Variants in DOP1A observed in about 807,000 individuals in gnomAD.
DOP1A encodes the protein DOP1 leucine zipper like protein A, also known as protein DOP1A.
DOP1A carries 90 observed loss-of-function variants against 267.6 expected under a neutral mutation model. That is an observed-to-expected ratio of 0.34 (90% CI 0.28 to 0.40). DOP1A has a LOEUF of 0.40. Ranked by LOEUF, DOP1A falls within the 10% of genes least tolerant of loss-of-function variation. DOP1A has a pLI of 1.00. For missense variants in DOP1A, 2,437 were observed against 2,900.4 expected, an observed-to-expected ratio of 0.84 and a Z score of 3.67; for synonymous variants, 932 against 999.1, an observed-to-expected ratio of 0.93 and a Z score of 1.27.
chr6:83,089,191 G>A (rs1419425951), intron 1 of DOP1A, among the ~76,000 whole-genome samples: 3 of 152,132 alleles, frequency 2.0e-5, no homozygotes, highest in Non-Finnish European at 4.4e-5. Context: ...AAGCAAACTA[G>A]CCAAAGTATC....
intron 6 of DOP1A, among the ~76,000 whole-genome samples, chr6:83,111,546 G>T (rs1774560626): frequency 6.6e-6 from 1 of 151,694 alleles, no homozygotes; most frequent in African/African-American, 2.4e-5. Context: ...ACTTGTTATT[G>T]TCTTTTTTAT....
At chr6:83,097,677 A>G (rs7774938) in intron 3 of DOP1A, among the ~76,000 whole-genome samples, 99,119 of 151,820 alleles carry the variant, frequency 0.65, 33,832 homozygotes, top group Middle Eastern at 0.78. Flanking sequence ...TTGTGGCATC[A>G]TTGATCAACC....
At position 83,159,877 on chromosome 6, in the gene DOP1A, G is replaced by A; in HGVS notation, c.6879G>A (p.Arg2293=). Residue 2293 remains arginine, a synonymous_variant, in exon 37 of 39, where the codon CGG becomes CGA. Coordinates refer to ENST00000349129, the MANE Select transcript of DOP1A (RefSeq NM_015018.4). The part of the protein sequence containing the change: ...NGFSTSYNSQ[R]WLNLYLSACK... The stretch of plus-strand genomic sequence containing the variant: ...TCTCTACTTCATATAACAGCCAGCG[G>A]TGGTTAAACCTCTATCTCTCTGCTT... 3 of 1,614,122 alleles carry A rather than the reference G, an allele frequency of 1.9e-6. No individual in the cohort carries two copies. Among genetic ancestry groups the A allele is most frequent in the Non-Finnish European group, 2.5e-6 (3 of 1,180,022 alleles).
At chr6:83,107,313 A>T (rs1219120936) in intron 4 of DOP1A, among the ~76,000 whole-genome samples, 5 of 152,120 alleles carry the variant, frequency 3.3e-5, no homozygotes, top group African/African-American at 1.2e-4. Flanking sequence ...CCTGGGGCAC[A>T]TGGGAAAAAA....
chr6:83,082,256 C>A (rs971186373), intron 1 of DOP1A, among the ~76,000 whole-genome samples: 7 of 152,188 alleles, frequency 4.6e-5, no homozygotes, highest in African/African-American at 1.4e-4. Context: ...GATATGGAAT[C>A]AGCCTAGGGG....
intron 35 of DOP1A, 64 bp from the exon 36 acceptor site, chr6:83,158,503 A>T: frequency 8.1e-7 from 1 of 1,239,372 alleles, no homozygotes; most frequent in Non-Finnish European, 1.2e-6. Context: ...AATACAACTT[A>T]AAGATAACTT....
intron 29 of DOP1A, 119 bp from the exon 30 acceptor site, chr6:83,152,169 A>G: frequency 4.7e-6 from 4 of 846,578 alleles, no homozygotes. Context: ...TGGGAAAAAT[A>G]TATATATACA....
intron 33 of DOP1A, among the ~76,000 whole-genome samples, chr6:83,155,414 T>G (rs1046384328): frequency 6.6e-6 from 1 of 152,102 alleles, no homozygotes; most frequent in Non-Finnish European, 1.5e-5. Context: ...TGAGCCATGA[T>G]TGTGCCCACT....
chr6:83,154,157 G>A (rs186638206), intron 32 of DOP1A, 23 bp from the exon 33 acceptor site: 76 of 1,612,770 alleles, frequency 4.7e-5, no homozygotes, highest in Non-Finnish European at 5.9e-5. Flanking sequence ...ATAATTACAT[G>A]TTGTAATCCT....
chr6:83,135,480 T>C, intron 19 of DOP1A, 139 bp from the exon 20 acceptor site: 1 of 967,118 alleles, frequency 1.0e-6, no homozygotes, highest in East Asian at 2.7e-5. Context: ...ATTAAAATAC[T>C]ATGATCAAAA....
chr6:83,152,156 C>A, intron 29 of DOP1A, 129 bp downstream of exon 29: 3 of 1,036,360 alleles, frequency 2.9e-6, no homozygotes, highest in Middle Eastern at 3.0e-4. Context: ...AACTTTTTTT[C>A]AGTGGGAAAA....
chr6:83,101,237 C>T (rs1282577566), intron 4 of DOP1A, among the ~76,000 whole-genome samples: 4 of 152,080 alleles, frequency 2.6e-5, no homozygotes, highest in African/African-American at 9.7e-5. Context: ...AGGATGGTCT[C>T]GATCTCCTGA....
At chr6:83,082,565 G>A (rs1434762348) in intron 1 of DOP1A, among the ~76,000 whole-genome samples, 1 of 152,158 alleles carries the variant, frequency 6.6e-6, no homozygotes, top group Admixed American at 6.5e-5. Flanking sequence ...ATAGTTAGGA[G>A]GAGTAAGTTC....
At chr6:83,118,223 C>T (rs1233736345) in intron 7 of DOP1A, among the ~76,000 whole-genome samples, 1 of 152,082 alleles carries the variant, frequency 6.6e-6, no homozygotes, top group Non-Finnish European at 1.5e-5. Flanking sequence ...AAGTTAGTTG[C>T]TTTTCTTCTA....
At chr6:83,164,400 A>G (rs1743573219) in intron 38 of DOP1A, among the ~76,000 whole-genome samples, 1 of 151,924 alleles carries the variant, frequency 6.6e-6, no homozygotes, top group African/African-American at 2.4e-5. Flanking sequence ...TGACAAATCC[A>G]GAAGCAAATA....
At position 83,122,031 on chromosome 6, in the gene DOP1A, G is replaced by A; in HGVS notation, c.1201G>A (p.Asp401Asn). The A allele has an allele frequency of 6.2e-7, 1 of 1,610,956 alleles. No individual in the cohort carries two copies. Among genetic ancestry groups the A allele is most frequent in the Non-Finnish European group, 8.5e-7 (1 of 1,177,888 alleles). The change falls in exon 11 of 39, where the codon GAT becomes AAT. Residue 401 changes from aspartate (D) to asparagine (N), a missense_variant. Asp to Asn is a conservative substitution (Grantham distance 23). This residue lies in a region of DOP1A where 498 missense variants were observed against 513.5 expected (regional missense o/e 0.97). Coordinates refer to ENST00000349129, the MANE Select transcript of DOP1A (RefSeq NM_015018.4). ...TCAAACTGAACCACCCTTCAGCAAG[G>A]ATCATGCTCAGTTAAGCAGGTGGAT... ...DLQTEPPFSK[D>N]HAQLSSKLRE...
Position 83,113,230 on chromosome 6 carries a change from C to G in DOP1A, c.682-93C>G. On this transcript the variant is annotated intron_variant, in intron 6 of 38. Transcript: ENST00000349129. ...TAATTATTGATTAGATCCTCAGAAG[C>G]ATACTTTCGAGAAAATAAAGAGTTG... The G allele has an allele frequency of 4.9e-6, 4 of 821,636 alleles. 1 individual carries two copies. In the South Asian group the frequency reaches 7.0e-5, roughly 14 times the overall value. The allele number at this position is 821,636 out of a possible 1,614,324, so 50.9% of individuals were successfully genotyped here. A position where few individuals can be genotyped will look rare whatever the true frequency, so the allele number is the denominator to read the frequency against.
intron 1 of DOP1A, among the ~76,000 whole-genome samples, chr6:83,086,287 G>T (rs1409347097): frequency 6.6e-6 from 1 of 152,116 alleles, no homozygotes; most frequent in Non-Finnish European, 1.5e-5. Flanking sequence ...AATGAAATAA[G>T]CTAGAGAAAA....
intron 15 of DOP1A, among the ~76,000 whole-genome samples, chr6:83,127,560 TAA>T (rs1318997127): frequency 3.9e-5 from 6 of 152,208 alleles, no homozygotes; most frequent in African/African-American, 1.2e-4. Flanking sequence ...GCAAATGGCA[TAA>T]TTACGTTTGT....
Sources: allele counts gnomAD v4.1 joint callset (sites outside exome capture counted in the v4.1 genomes callset), GRCh38; gene constraint gnomAD v4.1.1; regional missense constraint gnomAD v4.1.1; transcripts MANE v1.5; gene names NCBI Gene and HGNC (gene_info 2026-07-23, HGNC 2026-07-21).